Variants in COCH observed in about 807,000 individuals in gnomAD.
COCH encodes the protein cochlin.
In COCH, 40 loss-of-function variants were observed where a neutral mutation model predicts 54.8. The ratio of observed to expected loss-of-function variants is 0.73; its 90% CI spans 0.57 to 0.95. The LOEUF (loss-of-function observed/expected upper bound fraction) is 0.95. Among genes scored for constraint, COCH ranks in the 40% least tolerant of loss-of-function variants. COCH has a pLI of 0.00. For synonymous variants in COCH, 256 were observed against 237.9 expected (o/e 1.08, Z -0.70); for missense variants, 605 against 675.0 (o/e 0.90, Z 1.15).
At chr14:30,889,267 T>TAAA in intron 11 of COCH, 1 of 257,052 alleles carries the variant, frequency 3.9e-6, no homozygotes. Context: ...TGTAGGATTT[T>TAAA]AAAAAAGATA....
rs1418390710 is a variant in COCH at position 30,886,075 on chromosome 14, G to C, written c.1240G>C (p.Asp414His). The C allele has an allele frequency of 6.2e-7, 1 of 1,614,242 alleles. No individual in the cohort carries two copies. The highest frequency in any genetic ancestry group is 1.1e-5 in the South Asian group (1 of 91,084). The change falls in exon 11 of 12, where the codon GAT becomes CAT. Residue 414 changes from aspartate to histidine, a missense_variant. Asp to His is a moderately conservative substitution (Grantham distance 81, BLOSUM62 -1). Coordinates refer to ENST00000396618, the MANE Select transcript of COCH (RefSeq NM_004086.3). ...AKIAAVQFTY[D>H]QRTEFSFTDY... ...GATAGCTGCTGTACAGTTTACTTAT[G>C]ATCAGCGCACGGAGTTCAGTTTCAC...
At chr14:30,880,812 G>T (rs1048934635) in intron 8 of COCH, 78 bp downstream of exon 8, 44 of 1,043,654 alleles carry the variant, frequency 4.2e-5, no homozygotes, top group Non-Finnish European at 6.1e-5. Context: ...ATATACTTAT[G>T]GGGTACATAG....
Position 30,886,317 on chromosome 14 carries a change from G to A in COCH, c.1477+5G>A, listed in dbSNP as rs780896004. The A allele has an allele frequency of 1.2e-6, 2 of 1,614,036 alleles. No homozygotes were observed. Among genetic ancestry groups the A allele is most frequent in the South Asian group, 2.2e-5 (2 of 91,040 alleles). On this transcript the variant is annotated splice_donor_5th_base_variant and intron_variant, in intron 11 of 11. Coordinates refer to ENST00000396618, the MANE Select transcript of COCH (RefSeq NM_004086.3). ...CAGCTGCTGCACATGATGCAGGTAA[G>A]GTCCTTGTTCTTTATAGGAGAAGGG...
At chr14:30,885,725 G>T in intron 10 of COCH, 71 bp from the exon 11 acceptor site, 1 of 1,575,714 alleles carries the variant, frequency 6.3e-7, no homozygotes, top group Admixed American at 1.7e-5. Context: ...GAAACATTCA[G>T]GATTTTCCAG....
intron 4 of COCH, 65 bp from the exon 5 acceptor site, chr14:30,878,746 T>C: frequency 6.2e-7 from 1 of 1,611,642 alleles, no homozygotes; most frequent in African/African-American, 1.3e-5. Flanking sequence ...AACATGGCAC[T>C]ATAAGTCAGT....
At chr14:30,878,995 G>T (rs749959538) in intron 5 of COCH, 51 bp downstream of exon 5, 1 of 1,608,284 alleles carries the variant, frequency 6.2e-7, no homozygotes, top group South Asian at 1.1e-5. Flanking sequence ...CCCCCCAAAC[G>T]TTTTCTGCTT....
intron 11 of COCH, among the ~76,000 whole-genome samples, chr14:30,887,770 G>C (rs928445718): frequency 6.6e-6 from 1 of 152,136 alleles, no homozygotes; most frequent in Non-Finnish European, 1.5e-5. Context: ...ACTGATGAAA[G>C]ATTATTCTTA....
At chr14:30,884,216 A>C (rs956227111) in intron 8 of COCH, among the ~76,000 whole-genome samples, 1 of 152,242 alleles carries the variant, frequency 6.6e-6, no homozygotes, top group Non-Finnish European at 1.5e-5. Flanking sequence ...TTCATCAGGC[A>C]AACTCCCTAA....
chr14:30,891,251 T>C (rs1004895416), downstream of COCH, among the ~76,000 whole-genome samples: 11 of 152,126 alleles, frequency 7.2e-5, no homozygotes, highest in African/African-American at 2.2e-4. Context: ...TAATGTGACT[T>C]AGATGATTCG....
chr14:30,889,804 G>T lies in COCH; in HGVS notation c.*13G>T. ...ATCCCAGCAATAATGGTAACATTTT[G>T]ACAACTGAAAGAAAAAGTACAAGGG... On this transcript the variant is annotated 3_prime_UTR_variant, in exon 12 of 12. Transcript: ENST00000396618. The T allele has an allele frequency of 6.2e-7, 1 of 1,606,912 alleles. No individual in the cohort carries two copies. The highest frequency in any genetic ancestry group is 1.1e-5 in the South Asian group (1 of 90,580).
chr14:30,886,302 A>G lies in COCH; in HGVS notation c.1467A>G (p.Ala489=). ...YDDVQGPAAA[A]HDAGITIFSV... ...ATGTCCAAGGCCCTGCAGCTGCTGC[A>G]CATGATGCAGGTAAGGTCCTTGTTC... The change falls in exon 11 of 12, where the codon GCA becomes GCG. Residue 489 remains alanine (A), a synonymous_variant. Transcript: ENST00000396618. 1.9e-6 allele frequency: 3 copies of G among 1,614,182 alleles called. No homozygotes were observed. The highest frequency in any genetic ancestry group is 2.5e-6 in the Non-Finnish European group (3 of 1,180,020).
At chr14:30,879,390 A>C in intron 5 of COCH, 33 bp from the exon 6 acceptor site, 1 of 1,607,990 alleles carries the variant, frequency 6.2e-7, no homozygotes, top group East Asian at 2.2e-5. Flanking sequence ...AAGAAGGAAA[A>C]GGAAAAAAAT....
At chr14:30,878,995 G>A (rs749959538) in intron 5 of COCH, 51 bp downstream of exon 5, 57 of 1,608,282 alleles carry the variant, frequency 3.5e-5, no homozygotes, top group Non-Finnish European at 4.2e-5. Context: ...CCCCCCAAAC[G>A]TTTTCTGCTT....
chr14:30,885,195 G>GC (rs1215888952), intron 9 of COCH, 199 bp from the exon 10 acceptor site: 12 of 1,063,682 alleles, frequency 1.1e-5, no homozygotes, highest in Non-Finnish European at 1.1e-5. Flanking sequence ...AGATAAATAG[G>GC]CCTGGTAGAT....
At chr14:30,887,739 T>TTTTACAC (rs1895840491) in intron 11 of COCH, among the ~76,000 whole-genome samples, 1 of 152,356 alleles carries the variant, frequency 6.6e-6, no homozygotes, top group East Asian at 1.9e-4. Flanking sequence ...TCTGCCAATG[T>TTTTACAC]ACTCACATAT....
In COCH at chr14:30,874,942, T is replaced by A. The variant is rs774750753; in HGVS notation, c.4T>A (p.Ser2Thr). MSAAWIPALGLG... is the reference protein window; with the variant it reads MTAAWIPALGLG... ...TGTGAGCAGCCTATCAGTCACCATG[T>A]CCGCAGCCTGGATCCCGGCTCTCGG... The change falls in exon 2 of 12, where the codon TCC becomes ACC. Residue 2 changes from serine (S) to threonine (T), a missense_variant. Physicochemically the swap from Ser to Thr is moderately conservative, Grantham distance 58. Transcript: ENST00000396618. 12 of 1,613,258 alleles carry A rather than the reference T, an allele frequency of 7.4e-6. No individual in the cohort carries two copies. The South Asian group carries it at 1.3e-4, about 18-fold the overall frequency.
Position 30,874,744 on chromosome 14 carries a change from T to G in COCH, c.-24+153T>G, listed in dbSNP as rs28400022. The G allele has an allele frequency of 3.0e-3, 1,993 of 659,338 alleles. 18 individuals are homozygous for G. In the African/African-American group the frequency reaches 0.031, roughly 10 times the overall value. The allele number at this position is 659,338 out of a possible 1,614,324, so 40.8% of individuals were successfully genotyped here. On this transcript the variant is annotated intron_variant, in intron 1 of 11. Transcript: ENST00000396618. ...CACCGATCCTGGGCTTCGCTCGATT[T>G]GCCGCCGAGGCGCCTCCCAGACCTA...
intron 8 of COCH, among the ~76,000 whole-genome samples, chr14:30,881,987 AAAT>A (rs1895609624): frequency 2.0e-5 from 3 of 150,962 alleles, no homozygotes; most frequent in Non-Finnish European, 3.0e-5. Context: ...AAAAATAAAT[AAAT>A]AAATAAATAT....
downstream of COCH, among the ~76,000 whole-genome samples, chr14:30,893,149 A>ATTT (rs754080275): frequency 7.7e-3 from 702 of 91,220 alleles, 24 homozygotes; most frequent in African/African-American, 0.027. Flanking sequence ...AAAAACCACA[A>ATTT]TTTTTTTTTT....
Sources: allele counts gnomAD v4.1 joint callset (sites outside exome capture counted in the v4.1 genomes callset), GRCh38; gene constraint gnomAD v4.1.1; transcripts MANE v1.5; gene names NCBI Gene and HGNC (gene_info 2026-07-23, HGNC 2026-07-21).